Variants in ZNF438 observed in about 807,000 individuals in gnomAD.
ZNF438 encodes the protein zinc finger protein 438.
Under a neutral mutation model 38.0 loss-of-function variants are expected in ZNF438, and 25 were observed. The observed-to-expected ratio is 0.66, with a 90% CI of 0.48 to 0.92. The LOEUF (loss-of-function observed/expected upper bound fraction) is 0.92. Among genes scored for constraint, ZNF438 ranks in the 40% least tolerant of loss-of-function variants. ZNF438 has a pLI of 0.00. For missense variants in ZNF438, 1,007 were observed against 999.6 expected, an observed-to-expected ratio of 1.01 and a Z score of -0.10; for synonymous variants, 372 against 364.1, an observed-to-expected ratio of 1.02 and a Z score of -0.25.
chr10:30,986,501 C>T (rs563727113), intron 1 of ZNF438, among the ~76,000 whole-genome samples: 2 of 152,174 alleles, frequency 1.3e-5, no homozygotes, highest in African/African-American at 2.4e-5. Context: ...AAATTTTTCA[C>T]CATTCTGTAC....
At chr10:30,918,767 G>T (rs2043941572) in intron 2 of ZNF438, among the ~76,000 whole-genome samples, 3 of 152,172 alleles carry the variant, frequency 2.0e-5, no homozygotes. Flanking sequence ...AAATCAGGCT[G>T]GGGAATTTTT....
chr10:30,983,381 A>C (rs1363662846), intron 1 of ZNF438, among the ~76,000 whole-genome samples: 1 of 152,222 alleles, frequency 6.6e-6, no homozygotes, highest in Admixed American at 6.5e-5. Flanking sequence ...CCACAGCGGA[A>C]GGCAAAGGGG....
In ZNF438 at chr10:30,846,707, G is replaced by A. The variant is rs116539434; in HGVS notation, c.1875-1134C>T. 8.2e-3 allele frequency among the ~76,000 whole-genome samples: 1,250 copies of A among 152,274 alleles called. 13 individuals are homozygous for A. Among genetic ancestry groups the A allele is most frequent in the African/African-American group, 0.028 (1,152 of 41,566 alleles). ...CTGTGCTCTTGGAAGCTGGGAGCAG[G>A]CAGGAGCGCTCCTGCCCTCCCAGGC... is the stretch of plus-strand genomic sequence containing the variant. On this transcript the variant is annotated intron_variant, in intron 5 of 5. Coordinates refer to ENST00000413025, the Ensembl canonical transcript of ZNF438.
intron 4 of ZNF438, among the ~76,000 whole-genome samples, chr10:30,868,389 A>T (rs901497623): frequency 5.3e-5 from 8 of 152,114 alleles, no homozygotes; most frequent in Non-Finnish European, 1.2e-4. Context: ...TTTTTTAAAC[A>T]AAAAGTATTC....
intron 1 of ZNF438, among the ~76,000 whole-genome samples, chr10:30,978,602 T>C (rs2051713792): frequency 6.6e-6 from 1 of 152,184 alleles, no homozygotes; most frequent in Non-Finnish European, 1.5e-5. Context: ...TCCCTTGTAC[T>C]GCCTCCAGAT....
intron 5 of ZNF438, among the ~76,000 whole-genome samples, chr10:30,847,144 G>A (rs1006572175): frequency 2.0e-5 from 3 of 152,184 alleles, no homozygotes; most frequent in East Asian, 1.9e-4. Context: ...GGAGGTCCCC[G>A]GTGAAGCCCC....
chr10:30,953,639 T>TA (rs745937767), intron 1 of ZNF438, among the ~76,000 whole-genome samples: 4,410 of 118,288 alleles, frequency 0.037, 76 homozygotes, highest in Middle Eastern at 0.083. Context: ...AATATAATAA[T>TA]AAAAAAAAAA....
chr10:30,918,709 G>C (rs1398065942), intron 2 of ZNF438, among the ~76,000 whole-genome samples: 1 of 152,220 alleles, frequency 6.6e-6, no homozygotes. Flanking sequence ...TCTACAAGTT[G>C]GCAGTAAAAT....
chr10:30,857,820 A>T, intron 4 of ZNF438: 1 of 1,304,262 alleles, frequency 7.7e-7, no homozygotes, highest in East Asian at 2.7e-5. Flanking sequence ...TGGAGGAAAG[A>T]ATGAGGGCTC....
At chr10:30,918,290 G>A (rs1284765290) in intron 2 of ZNF438, among the ~76,000 whole-genome samples, 2 of 152,038 alleles carry the variant, frequency 1.3e-5, no homozygotes, top group East Asian at 1.9e-4. Flanking sequence ...TTTAGAATTA[G>A]CTTGCTAATT....
chr10:30,939,046 G>A (rs866023628), intron 2 of ZNF438, among the ~76,000 whole-genome samples: 6 of 152,090 alleles, frequency 3.9e-5, no homozygotes, highest in Non-Finnish European at 7.4e-5. Context: ...TACCCACCTC[G>A]GCCTCCCAAA....
intron 2 of ZNF438, among the ~76,000 whole-genome samples, chr10:30,915,427 G>T (rs11008302): frequency 0.43 from 64,649 of 151,764 alleles, 14,186 homozygotes; most frequent in Non-Finnish European, 0.46. Context: ...CAACCAGACT[G>T]TCATCTTGCT....
intron 1 of ZNF438, among the ~76,000 whole-genome samples, chr10:31,018,731 A>G (rs1273537851): frequency 6.6e-6 from 1 of 152,208 alleles, no homozygotes; most frequent in African/African-American, 2.4e-5. Context: ...AGATAGGCAG[A>G]TGGCCAGGGA....
intron 2 of ZNF438, among the ~76,000 whole-genome samples, chr10:30,931,063 C>T (rs1455754093): frequency 6.6e-6 from 1 of 152,150 alleles, no homozygotes; most frequent in East Asian, 1.9e-4. Flanking sequence ...GGGTGGCCCA[C>T]CAGTTTACCC....
intron 1 of ZNF438, among the ~76,000 whole-genome samples, chr10:30,966,669 C>CAAAAAA (rs11445638): frequency 7.7e-6 from 1 of 129,878 alleles, no homozygotes; most frequent in African/African-American, 2.9e-5. Context: ...GACTCCATCT[C>CAAAAAA]AAAAAAAAAA....
At chr10:30,872,042 T>C (rs10763845) in intron 4 of ZNF438, among the ~76,000 whole-genome samples, 68,196 of 151,986 alleles carry the variant, frequency 0.45, 15,825 homozygotes, top group African/African-American at 0.56. Context: ...ACTTTTCTAC[T>C]TGCAGAAGAC....
In ZNF438 at chr10:30,928,828, A is replaced by G. The variant is rs1454598328; in HGVS notation, c.-115+12747T>C. Among the ~76,000 whole-genome samples, 6 of 152,114 alleles carry G rather than the reference A, an allele frequency of 3.9e-5. No individual in the cohort carries two copies. In the East Asian group the frequency reaches 1.2e-3, roughly 29 times the overall value. On this transcript the variant is annotated intron_variant, in intron 2 of 5. Transcript: ENST00000413025. Reference sequence around the variant, plus strand: ...TTGCTGTCCAGCTGGAGTGAGGTGAAGACCTGGGAGTTCAGCTGGTCCTTT... The same window carrying G: ...TTGCTGTCCAGCTGGAGTGAGGTGAGGACCTGGGAGTTCAGCTGGTCCTTT...
intron 4 of ZNF438, among the ~76,000 whole-genome samples, chr10:30,874,103 G>GGTGT (rs754046244): frequency 2.6e-3 from 44 of 16,814 alleles, no homozygotes; most frequent in Admixed American, 0.01. Context: ...GGTGTGTGGG[G>GGTGT]GTGTGTGTGT....
intron 2 of ZNF438, among the ~76,000 whole-genome samples, chr10:30,918,053 C>G (rs2043851429): frequency 6.6e-6 from 1 of 152,128 alleles, no homozygotes; most frequent in Non-Finnish European, 1.5e-5. Flanking sequence ...TTTACTGCAA[C>G]ACTTTCCTTT....
Sources: allele counts gnomAD v4.1 joint callset (sites outside exome capture counted in the v4.1 genomes callset), GRCh38; gene constraint gnomAD v4.1.1; transcripts MANE v1.5; gene names NCBI Gene and HGNC (gene_info 2026-07-23, HGNC 2026-07-21).